KCNMB4: variants seen among roughly 807,000 people sequenced by gnomAD.
KCNMB4 encodes the protein potassium calcium-activated channel subfamily M regulatory beta subunit 4, also known as calcium-activated potassium channel subunit beta-4.
In KCNMB4, 3 loss-of-function variants were observed where a neutral mutation model predicts 20.7. The observed-to-expected ratio is 0.14, with a 90% CI of 0.07 to 0.37. The LOEUF (loss-of-function observed/expected upper bound fraction) is 0.37. Among genes scored for constraint, KCNMB4 ranks in the 10% least tolerant of loss-of-function variants. The probability of loss-of-function intolerance (pLI) is 1.00; values close to 1 mark genes in which losing one functional copy is unlikely to be tolerated. For synonymous variants in KCNMB4, 110 were observed against 113.4 expected (o/e 0.97, Z 0.19); for missense variants, 168 against 265.9 (o/e 0.63, Z 2.56).
intron 1 of KCNMB4, among the ~76,000 whole-genome samples, chr12:70,370,814 G>A (rs1295593066): frequency 6.7e-6 from 1 of 148,236 alleles, no homozygotes; most frequent in African/African-American, 2.5e-5. Context: ...CCTCTTGTAT[G>A]TGAGACAAGA....
chr12:70,371,290 A>G (rs964774845), intron 1 of KCNMB4, among the ~76,000 whole-genome samples: 5 of 152,258 alleles, frequency 3.3e-5, no homozygotes, highest in Admixed American at 6.5e-5. Flanking sequence ...GAGAAGAAAA[A>G]CTTAGGTGGG....
intron 2 of KCNMB4, among the ~76,000 whole-genome samples, chr12:70,404,533 A>G (rs1338100121): frequency 6.6e-6 from 1 of 152,224 alleles, no homozygotes; most frequent in Non-Finnish European, 1.5e-5. Flanking sequence ...AAGTGCAAAA[A>G]CTGGAATCCA....
intron 1 of KCNMB4, among the ~76,000 whole-genome samples, chr12:70,393,846 C>T (rs1189468597): frequency 6.6e-6 from 1 of 151,918 alleles, no homozygotes; most frequent in Non-Finnish European, 1.5e-5. Context: ...CTCCAAGGCA[C>T]ATTAGATGAC....
At chr12:70,370,290 ATTTTTTGTTTTTTTTTGT>A (rs1412593379) in intron 1 of KCNMB4, among the ~76,000 whole-genome samples, 5 of 136,052 alleles carry the variant, frequency 3.7e-5, no homozygotes, top group Admixed American at 3.2e-4. Context: ...GTGCTACTGA[ATTTTTTGTTTTTTTTTGT>A]TTTTTTGTTT....
At chr12:70,408,238 C>A (rs1868667027) in intron 2 of KCNMB4, among the ~76,000 whole-genome samples, 1 of 152,052 alleles carries the variant, frequency 6.6e-6, no homozygotes, top group South Asian at 2.1e-4. Context: ...TGAGAGGAAA[C>A]AGGAGTGCTG....
intron 1 of KCNMB4, 76 bp from the exon 2 acceptor site, chr12:70,400,133 A>G (rs1868412170): frequency 2.6e-6 from 3 of 1,149,908 alleles, no homozygotes; most frequent in East Asian, 2.7e-5. Flanking sequence ...TTATAATGCC[A>G]TCTTTCTATA....
intron 1 of KCNMB4, among the ~76,000 whole-genome samples, chr12:70,371,153 G>A (rs927016055): frequency 1.3e-5 from 2 of 152,084 alleles, no homozygotes; most frequent in Non-Finnish European, 2.9e-5. Context: ...CAACACGCCC[G>A]GTCTATATGT....
intron 1 of KCNMB4, among the ~76,000 whole-genome samples, chr12:70,384,734 T>G (rs1475435148): frequency 1.3e-5 from 2 of 151,984 alleles, no homozygotes; most frequent in Non-Finnish European, 2.9e-5. Context: ...CAATTTTTTT[T>G]TAATTAGCCA....
intron 1 of KCNMB4, among the ~76,000 whole-genome samples, chr12:70,373,424 G>A (rs1405872214): frequency 6.6e-6 from 1 of 152,106 alleles, no homozygotes; most frequent in East Asian, 1.9e-4. Flanking sequence ...ATACAGAAGA[G>A]GGCCATGCGC....
In KCNMB4 at chr12:70,367,028, G is replaced by T; in HGVS notation, c.294G>T (p.Ala98=). ...ACAACTCTGAGTCCAACTCTAGGGCGCTGCTGCACAGCGACGAGCACCAGC... is the reference window on the plus strand; with the variant it reads ...ACAACTCTGAGTCCAACTCTAGGGCTCTGCTGCACAGCGACGAGCACCAGC... ...YVNNSESNSR[A]LLHSDEHQLL... Residue 98 remains alanine, a synonymous_variant, in exon 1 of 3, where the codon GCG becomes GCT. Transcript: ENST00000258111. 2 of 1,570,134 alleles carry T rather than the reference G, an allele frequency of 1.3e-6. No homozygotes were observed. The highest frequency in any genetic ancestry group is 1.7e-6 in the Non-Finnish European group (2 of 1,152,410).
intron 1 of KCNMB4, among the ~76,000 whole-genome samples, chr12:70,378,611 G>A (rs759497886): frequency 4.6e-5 from 7 of 151,974 alleles, no homozygotes; most frequent in Non-Finnish European, 8.8e-5. Flanking sequence ...GTCTTGGCTC[G>A]CTTCACCCTC....
chr12:70,382,183 C>A (rs780909032), intron 1 of KCNMB4, among the ~76,000 whole-genome samples: 2 of 151,918 alleles, frequency 1.3e-5, no homozygotes, highest in Non-Finnish European at 2.9e-5. Context: ...CGGTGGCTCA[C>A]GCCTGTAATC....
At chr12:70,401,218 G>A (rs1301063174) in intron 2 of KCNMB4, among the ~76,000 whole-genome samples, 2 of 152,068 alleles carry the variant, frequency 1.3e-5, no homozygotes. Flanking sequence ...TAGAGACAGG[G>A]TTTCACCATG....
intron 2 of KCNMB4, 81 bp downstream of exon 2, chr12:70,400,417 C>T: frequency 7.3e-7 from 1 of 1,372,438 alleles, no homozygotes; most frequent in Non-Finnish European, 9.8e-7. Context: ...TAGATTATGC[C>T]CACTTGACAG....
chr12:70,415,466 C>T (rs1868890460), intron 2 of KCNMB4, among the ~76,000 whole-genome samples: 1 of 152,128 alleles, frequency 6.6e-6, no homozygotes, highest in Non-Finnish European at 1.5e-5. Flanking sequence ...TAACATCAGC[C>T]AGGATTCTAG....
At chr12:70,423,499 A>G (rs787931) in intron 2 of KCNMB4, among the ~76,000 whole-genome samples, 25,900 of 151,566 alleles carry the variant, frequency 0.17, 2,597 homozygotes, top group East Asian at 0.34. Flanking sequence ...AGAAGGTCTC[A>G]GTCTGTCGCC....
chr12:70,384,103 G>T (rs1035745075), intron 1 of KCNMB4, among the ~76,000 whole-genome samples: 1 of 151,888 alleles, frequency 6.6e-6, no homozygotes, highest in Non-Finnish European at 1.5e-5. Context: ...TTGAATTTAG[G>T]GCCTACTCTA....
At chr12:70,427,574 ATGT>A (rs1869246507) in intron 2 of KCNMB4, among the ~76,000 whole-genome samples, 2 of 152,314 alleles carry the variant, frequency 1.3e-5, no homozygotes, top group South Asian at 2.1e-4. Context: ...GGAGGGACTG[ATGT>A]TGTTTTGTCA....
intron 2 of KCNMB4, among the ~76,000 whole-genome samples, chr12:70,428,327 T>C (rs1351424342): frequency 1.3e-5 from 2 of 152,242 alleles, no homozygotes; most frequent in East Asian, 3.8e-4. Context: ...ACTTCAGTGA[T>C]ACTAAGTAAA....
Sources: allele counts gnomAD v4.1 joint callset (sites outside exome capture counted in the v4.1 genomes callset), GRCh38; gene constraint gnomAD v4.1.1; transcripts MANE v1.5; gene names NCBI Gene and HGNC (gene_info 2026-07-23, HGNC 2026-07-21).